Variants in NCKAP1 observed in about 807,000 individuals in gnomAD.
The protein encoded by NCKAP1 is NCK associated protein 1, also known as nck-associated protein 1.
NCKAP1 carries 21 observed loss-of-function variants against 151.2 expected under a neutral mutation model. The ratio of observed to expected loss-of-function variants is 0.14; its 90% CI spans 0.10 to 0.20. NCKAP1 has a LOEUF of 0.20. Ranked by LOEUF, NCKAP1 falls within the 10% of genes least tolerant of loss-of-function variation. NCKAP1 has a pLI of 1.00. For missense variants in NCKAP1, 933 were observed against 1,352.1 expected, an observed-to-expected ratio of 0.69 and a Z score of 4.86; for synonymous variants, 484 against 451.8, an observed-to-expected ratio of 1.07 and a Z score of -0.90.
At chr2:182,967,130 G>C (rs1697588364) in intron 16 of NCKAP1, 86 bp downstream of exon 16, 1 of 1,263,276 alleles carries the variant, frequency 7.9e-7, no homozygotes, top group South Asian at 1.5e-5. Context: ...ACTGTCTTAA[G>C]GACTATGCTA....
intron 9 of NCKAP1, among the ~76,000 whole-genome samples, chr2:182,987,017 G>T (rs560796773): frequency 6.6e-6 from 1 of 152,218 alleles, no homozygotes; most frequent in South Asian, 2.1e-4. Context: ...CAAGGTGGGT[G>T]GATCACTTGA....
chr2:183,015,848 C>A (rs1237573959), intron 2 of NCKAP1, among the ~76,000 whole-genome samples: 6 of 135,178 alleles, frequency 4.4e-5, no homozygotes, highest in African/African-American at 8.2e-5. Context: ...AAGAAAAGGA[C>A]AAATGGATAA....
rs373960887 is a variant in NCKAP1 at position 182,952,780 on chromosome 2, T to G, written c.2503+13A>C. 4.4e-6 allele frequency: 7 copies of G among 1,588,858 alleles called. No homozygotes were observed. The South Asian group carries it at 8.1e-5, about 18-fold the overall frequency. On this transcript the variant is annotated intron_variant, in intron 22 of 30. Transcript: ENST00000361354. ...GTTCTTCATTCTCTAAACTGTGGTA[T>G]AGTACTATTCACCTGATATGTCAGA...
chr2:182,973,796 A>G (rs555971437), intron 15 of NCKAP1, among the ~76,000 whole-genome samples: 4 of 152,254 alleles, frequency 2.6e-5, no homozygotes, highest in Non-Finnish European at 5.9e-5. Flanking sequence ...TTTATACTCA[A>G]AAGTCTCTTT....
At chr2:182,953,082 G>T (rs766629929) in intron 21 of NCKAP1, 31 bp downstream of exon 21, 8 of 1,555,890 alleles carry the variant, frequency 5.1e-6, no homozygotes, top group Middle Eastern at 3.6e-4. Context: ...CAAATTTTCC[G>T]CTACTACAAA....
At chr2:182,984,938 G>C (rs1698019806) in intron 10 of NCKAP1, among the ~76,000 whole-genome samples, 1 of 152,068 alleles carries the variant, frequency 6.6e-6, no homozygotes, top group Non-Finnish European at 1.5e-5. Context: ...AATTGTAAAA[G>C]ATCTTTATAA....
In NCKAP1 at chr2:182,911,944, C is replaced by G. The variant is rs1032113572; in HGVS notation, c.*13758G>C. On this transcript the variant is annotated 3_prime_UTR_variant, in exon 31 of 31. Coordinates refer to ENST00000361354, the MANE Select transcript of NCKAP1 (RefSeq NM_013436.5). ...TTTTGCATTATTCATGCATTTTCCA[C>G]AATAGACACTTCATGTCTTTGAATT... 2.0e-5 allele frequency: 3 copies of G among 152,144 alleles called. No homozygotes were observed. The highest frequency in any genetic ancestry group is 2.9e-5 in the Non-Finnish European group (2 of 68,028). 9.4% of individuals were successfully genotyped at this position (152,144 alleles called of 1,614,324 possible).
rs534048088 is a variant in NCKAP1 at position 182,999,595 on chromosome 2, A to G, written c.603+2358T>C. Among the ~76,000 whole-genome samples, 4 of 152,328 alleles carry G rather than the reference A, an allele frequency of 2.6e-5. No individual in the cohort carries two copies. In the East Asian group the frequency reaches 5.8e-4, roughly 22 times the overall value. On this transcript the variant is annotated intron_variant, in intron 6 of 30. Transcript: ENST00000361354. The stretch of plus-strand genomic sequence containing the variant: ...AAACCCTGTGGAAAGCAGTTTGATG[A>G]CTTCTGAAAGAACCAAAAATAGAAT...
intron 2 of NCKAP1, among the ~76,000 whole-genome samples, chr2:183,015,369 A>G (rs1698663633): frequency 6.6e-6 from 1 of 152,254 alleles, no homozygotes; most frequent in South Asian, 2.1e-4. Flanking sequence ...AAGCGCAGGT[A>G]AAATCATCAC....
chr2:182,927,224 CTA>C (rs1696666428), intron 29 of NCKAP1: 1 of 182,372 alleles, frequency 5.5e-6, no homozygotes, highest in Admixed American at 6.4e-5. Context: ...TCTATACTGA[CTA>C]TATTTCTTAG....
intron 23 of NCKAP1, among the ~76,000 whole-genome samples, chr2:182,942,453 G>A (rs1697016291): frequency 6.6e-6 from 1 of 151,992 alleles, no homozygotes; most frequent in Admixed American, 6.6e-5. Context: ...ACGCTGAACG[G>A]CATCAATAAT....
chr2:182,965,116 T>G (rs1057320224), intron 16 of NCKAP1, among the ~76,000 whole-genome samples: 14 of 152,022 alleles, frequency 9.2e-5, no homozygotes, highest in African/African-American at 3.4e-4. Context: ...TATGGCTGGG[T>G]GTGGTGGCTC....
intron 1 of NCKAP1, among the ~76,000 whole-genome samples, chr2:183,025,824 G>A (rs1698883921): frequency 6.6e-6 from 1 of 152,116 alleles, no homozygotes; most frequent in Non-Finnish European, 1.5e-5. Context: ...AAAATCAAGT[G>A]TCATAAACAT....
chr2:182,956,363 T>C (rs1211065110), intron 20 of NCKAP1, 99 bp downstream of exon 20: 2 of 1,435,326 alleles, frequency 1.4e-6, no homozygotes, highest in Non-Finnish European at 1.9e-6. Flanking sequence ...TTAACACTAA[T>C]CCAGTTCTAC....
In NCKAP1 at chr2:182,962,143, ACAC is replaced by A; in HGVS notation, c.1881+13_1881+15del. 6.4e-7 allele frequency: 1 copy of A among 1,567,338 alleles called. No homozygotes were observed. Among genetic ancestry groups the A allele is most frequent in the Non-Finnish European group, 8.6e-7 (1 of 1,158,250 alleles). On this transcript the variant is annotated intron_variant, in intron 18 of 30. Coordinates refer to ENST00000361354, the MANE Select transcript of NCKAP1 (RefSeq NM_013436.5). ...ACACAAAATTTCCTATCTGTTGGAA[ACAC>A]TTAAATCATTACCTGGTCACTAAGG...
At chr2:183,027,071 A>C (rs1023398586) in intron 1 of NCKAP1, among the ~76,000 whole-genome samples, 12 of 150,658 alleles carry the variant, frequency 8.0e-5, no homozygotes, top group African/African-American at 2.7e-4. Context: ...ATACAGCCTA[A>C]AGTCTACATT....
At chr2:183,023,268 T>A (rs1698829615) in intron 2 of NCKAP1, among the ~76,000 whole-genome samples, 1 of 152,096 alleles carries the variant, frequency 6.6e-6, no homozygotes, top group Admixed American at 6.6e-5. Flanking sequence ...TTCTTCAGTA[T>A]ACTAAGAAAA....
chr2:182,960,368 T>G (rs111640374), intron 18 of NCKAP1, among the ~76,000 whole-genome samples: 149,526 of 152,198 alleles, frequency 0.98, 73,470 homozygotes, highest in East Asian at 1. Context: ...AGCATGGTAC[T>G]GGTACCAAAA....
chr2:182,966,189 T>C (rs1014855442), intron 16 of NCKAP1, among the ~76,000 whole-genome samples: 6 of 152,178 alleles, frequency 3.9e-5, no homozygotes, highest in African/African-American at 1.2e-4. Context: ...TCCAGTCCTC[T>C]TCCCTAAAGG....
Sources: allele counts gnomAD v4.1 joint callset (sites outside exome capture counted in the v4.1 genomes callset), GRCh38; gene constraint gnomAD v4.1.1; transcripts MANE v1.5; gene names NCBI Gene and HGNC (gene_info 2026-07-23, HGNC 2026-07-21).